The following CGNL1 variants were observed in gnomAD, a reference collection of about 807,000 sequenced individuals.
CGNL1 encodes the protein cingulin-like protein 1.
Under a neutral mutation model 141.2 loss-of-function variants are expected in CGNL1, and 132 were observed. That is an observed-to-expected ratio of 0.93 (90% CI 0.81 to 1.08). The LOEUF is 1.08. Among genes scored for constraint, CGNL1 ranks in the 50% least tolerant of loss-of-function variants. The probability of loss-of-function intolerance (pLI) is 0.00; values close to 1 mark genes in which losing one functional copy is unlikely to be tolerated. For synonymous variants in CGNL1, 690 were observed against 622.1 expected (o/e 1.11, Z -1.63); for missense variants, 1,870 against 1,588.6 (o/e 1.18, Z -3.01).
intron 8 of CGNL1, among the ~76,000 whole-genome samples, chr15:57,472,412 TAGAG>T (rs1314127146): frequency 4.6e-5 from 7 of 152,070 alleles, no homozygotes; most frequent in Non-Finnish European, 1.0e-4. Flanking sequence ...GACAGATTTT[TAGAG>T]AGAGAGACAG....
chr15:57,376,946 G>A (rs2062370358), intron 1 of CGNL1: 1 of 152,280 alleles, frequency 6.6e-6, no homozygotes, highest in South Asian at 2.1e-4. Context: ...CTCACACGAA[G>A]CAGTTTCTGA....
In CGNL1 at chr15:57,442,182, G is replaced by GAAAAAAAAAAAAAAAAAAAAAAA. The variant is rs61564944; in HGVS notation, c.1698-170_1698-169insAAAAAAAAAAAAAAAAAAAAAAA. 1.2e-4 allele frequency among the ~76,000 whole-genome samples: 12 copies of GAAAAAAAAAAAAAAAAAAAAAAA among 96,510 alleles called. 3 individuals carry two copies. The highest frequency in any genetic ancestry group is 4.7e-4 in the African/African-American group (11 of 23,300). The allele number at this position is 96,510 out of a possible 152,430, so 63.3% of individuals were successfully genotyped here. On this transcript the variant is annotated intron_variant, in intron 3 of 18. Transcript: ENST00000281282. ...TTGAGTGGTAACACATCATTTATTT[G>GAAAAAAAAAAAAAAAAAAAAAAA]AAAAAAAAAAAAAAAAAAAAAGACA...
chr15:57,418,231 C>T (rs2062871463), intron 1 of CGNL1, among the ~76,000 whole-genome samples: 1 of 152,074 alleles, frequency 6.6e-6, no homozygotes, highest in Non-Finnish European at 1.5e-5. Context: ...TGTTTTCAGC[C>T]AAAATAACAC....
chr15:57,501,122 T>C lies in CGNL1; in HGVS notation c.2404-15658T>C, dbSNP rs1263984457. 2.0e-5 allele frequency among the ~76,000 whole-genome samples: 3 copies of C among 152,224 alleles called. No homozygotes were observed. The East Asian group carries it at 5.8e-4, about 29-fold the overall frequency. ...GTAACCTTGGATCGTGATTGTGCTATGTACCAGGTGCTGGGCTGGGCACAG... is the reference window on the plus strand; with the variant it reads ...GTAACCTTGGATCGTGATTGTGCTACGTACCAGGTGCTGGGCTGGGCACAG... On this transcript the variant is annotated intron_variant, in intron 8 of 18. Transcript: ENST00000281282.
chr15:57,396,852 T>C (rs1233232423), intron 1 of CGNL1: 8 of 152,172 alleles, frequency 5.3e-5, no homozygotes, highest in African/African-American at 1.9e-4. Context: ...TTAACAATTA[T>C]AGCGCTCTTG....
Position 57,456,628 on chromosome 15 carries a change from AT to A in CGNL1, c.2190+2822del, listed in dbSNP as rs1363441801. On this transcript the variant is annotated intron_variant, in intron 7 of 18. Transcript: ENST00000281282. ...TCTTAGTTAAATAGATGATTCTGAA[AT>A]TTTTTTTTTTTCAGCTCAAGTTACA... is the stretch of plus-strand genomic sequence containing the variant. Among the ~76,000 whole-genome samples, 78 of 148,364 alleles carry A rather than the reference AT, an allele frequency of 5.3e-4. No individual in the cohort carries two copies. In the East Asian group the frequency reaches 6.3e-3, roughly 12 times the overall value.
chr15:57,433,584 C>T (rs1363946772), intron 1 of CGNL1, among the ~76,000 whole-genome samples: 5 of 152,104 alleles, frequency 3.3e-5, no homozygotes, highest in Non-Finnish European at 7.4e-5. Flanking sequence ...GCATTGTTAC[C>T]ATAGTAGGCC....
chr15:57,438,495 A>T lies in CGNL1; in HGVS notation c.496A>T (p.Asn166Tyr), dbSNP rs2063137152. The T allele has an allele frequency of 6.2e-7, 1 of 1,614,050 alleles. No individual in the cohort carries two copies. The highest frequency in any genetic ancestry group is 1.1e-5 in the South Asian group (1 of 91,084). The change falls in exon 2 of 19, where the codon AAT becomes TAT. Residue 166 changes from asparagine (N) to tyrosine (Y), a missense_variant. Transcript: ENST00000281282. ...TGAAAAGAATGAGTTGAATTTACAA[A>T]ATCACCAGCCTTCTGAGAGTAATTG... ...DPEKNELNLQ[N>Y]HQPSESNWLK... is the part of the protein sequence containing the mutation.
At chr15:57,457,398 T>C (rs1409441385) in intron 7 of CGNL1, among the ~76,000 whole-genome samples, 1 of 152,220 alleles carries the variant, frequency 6.6e-6, no homozygotes, top group African/African-American at 2.4e-5. Flanking sequence ...CAGATCTCCT[T>C]CTACCTGTCT....
Position 57,532,985 on chromosome 15 carries a change from G to C in CGNL1, c.3291+1206G>C, listed in dbSNP as rs142124977. Among the ~76,000 whole-genome samples the C allele has an allele frequency of 2.7e-3, 410 of 152,298 alleles. 3 individuals are homozygous for C. Among genetic ancestry groups the C allele is most frequent in the African/African-American group, 9.3e-3 (387 of 41,560 alleles). On this transcript the variant is annotated intron_variant, in intron 14 of 18. Transcript: ENST00000281282. Reference sequence around the variant, plus strand: ...CATGGACTTCCCTTTCCTCGGTTCAGGGTGACCAAGAATTGGAAGTTCCAG... The same window carrying C: ...CATGGACTTCCCTTTCCTCGGTTCACGGTGACCAAGAATTGGAAGTTCCAG...
chr15:57,473,957 T>C (rs1420006751), intron 8 of CGNL1, among the ~76,000 whole-genome samples: 1 of 139,208 alleles, frequency 7.2e-6, no homozygotes, highest in Non-Finnish European at 1.5e-5. Flanking sequence ...TTGCCCAGGC[T>C]GGAGTGCAGT....
chr15:57,399,889 A>T (rs1255962546), intron 1 of CGNL1, among the ~76,000 whole-genome samples: 3 of 152,052 alleles, frequency 2.0e-5, no homozygotes, highest in Non-Finnish European at 4.4e-5. Flanking sequence ...CACTATTTTC[A>T]TTCTTATTAA....
chr15:57,530,653 A>T (rs909989248), intron 13 of CGNL1, among the ~76,000 whole-genome samples: 2 of 152,188 alleles, frequency 1.3e-5, no homozygotes, highest in African/African-American at 4.8e-5. Context: ...TGCAGGGCCC[A>T]GCTCCAATCC....
At position 57,532,500 on chromosome 15, in the gene CGNL1, T is replaced by C. The variant is rs115666268; in HGVS notation, c.3291+721T>C. Among the ~76,000 whole-genome samples, 1,308 of 152,328 alleles carry C rather than the reference T, an allele frequency of 8.6e-3. 21 individuals carry two copies. The highest frequency in any genetic ancestry group is 0.03 in the African/African-American group (1,233 of 41,558). ...GAGGTCAAAAGCCTTTGGATAATAC[T>C]GCATGTATTATCTGCACTTCGCTTG... is the stretch of plus-strand genomic sequence containing the variant. On this transcript the variant is annotated intron_variant, in intron 14 of 18. Coordinates refer to ENST00000281282, the MANE Select transcript of CGNL1 (RefSeq NM_032866.5).
At chr15:57,532,618 C>G (rs151138643) in intron 14 of CGNL1, among the ~76,000 whole-genome samples, 2 of 152,200 alleles carry the variant, frequency 1.3e-5, no homozygotes, top group African/African-American at 4.8e-5. Context: ...GAAACTCCTT[C>G]CAAAACTGCA....
chr15:57,529,278 TA>T (rs1262634368), intron 13 of CGNL1, among the ~76,000 whole-genome samples: 1 of 152,170 alleles, frequency 6.6e-6, no homozygotes, highest in African/African-American at 2.4e-5. Context: ...CCTTAGAGGT[TA>T]TTGGGCTTTG....
At chr15:57,475,551 T>C (rs1028063811) in intron 8 of CGNL1, among the ~76,000 whole-genome samples, 2 of 151,798 alleles carry the variant, frequency 1.3e-5, no homozygotes, top group East Asian at 3.9e-4. Context: ...TTTTCTTCTC[T>C]TTTTACATAA....
chr15:57,388,464 C>T (rs16977452), intron 1 of CGNL1, among the ~76,000 whole-genome samples: 15,755 of 152,164 alleles, frequency 0.1, 1,675 homozygotes, highest in African/African-American at 0.27. Flanking sequence ...CTGGACTGCC[C>T]GGATCTGAAT....
chr15:57,486,548 A>G (rs554326926), intron 8 of CGNL1, among the ~76,000 whole-genome samples: 1 of 152,262 alleles, frequency 6.6e-6, no homozygotes, highest in South Asian at 2.1e-4. Flanking sequence ...TTAGCCTTTT[A>G]ACTGAAGTCC....
Sources: gnomAD v4.1 joint callset for allele counts (sites outside exome capture counted in the v4.1 genomes callset) on GRCh38, gnomAD v4.1.1 for gene constraint, MANE v1.5 for transcripts, NCBI Gene and HGNC (gene_info 2026-07-23, HGNC 2026-07-21) for gene names.